The following CYGB variants were observed in gnomAD, a reference collection of about 807,000 sequenced individuals.
CYGB encodes cytoglobin.
In CYGB, 13 loss-of-function variants were observed where a neutral mutation model predicts 20.7. The observed-to-expected ratio is 0.63, with a 90% confidence interval of 0.41 to 1.00. The LOEUF is 1.00. Among genes scored for constraint, CYGB ranks in the 50% least tolerant of loss-of-function variants. The probability of loss-of-function intolerance (pLI) is 0.00; values close to 1 mark genes in which losing one functional copy is unlikely to be tolerated. For synonymous variants in CYGB, 93 were observed against 107.4 expected, an observed-to-expected ratio of 0.87 and a Z score of 0.83; for missense variants, 218 against 257.2, an observed-to-expected ratio of 0.85 and a Z score of 1.04.
chr17:76,533,553 G>A lies in CYGB; in HGVS notation c.144-1862C>T, dbSNP rs1483175548. On this transcript the variant is annotated intron_variant, in intron 1 of 3. Transcript: ENST00000293230. This position sits in a 1 kb window ranked among gnomAD's most constrained non-coding sequence, Gnocchi z 4.5. Reference sequence around the variant, plus strand: ...CAGCCTGGGCAATGTGGCAAACCCTGTCTCTACAAAATACAAAAAATTAGC... The same window carrying A: ...CAGCCTGGGCAATGTGGCAAACCCTATCTCTACAAAATACAAAAAATTAGC... 6.6e-6 allele frequency among the ~76,000 whole-genome samples: 1 copy of A among 150,804 alleles called. No homozygotes were observed. The highest frequency in any genetic ancestry group is 1.5e-5 in the Non-Finnish European group (1 of 67,712).
intron 1 of CYGB, among the ~76,000 whole-genome samples, chr17:76,547,882 T>C (rs1438534816): frequency 2.1e-5 from 3 of 145,650 alleles, no homozygotes; most frequent in Non-Finnish European, 3.0e-5. Flanking sequence ...TTCACACACA[T>C]ACACATACAC....
At position 76,531,182 on chromosome 17, in the gene CYGB, G is replaced by A. The variant is rs377581252; in HGVS notation, c.376-40C>T. 5.0e-6 allele frequency: 8 copies of A among 1,590,454 alleles called. No individual in the cohort carries two copies. The highest frequency in any genetic ancestry group is 1.3e-5 in the African/African-American group (1 of 74,378). On this transcript the variant is annotated intron_variant, in intron 2 of 3. Coordinates refer to ENST00000293230, the MANE Select transcript of CYGB (RefSeq NM_134268.5). This position sits in a 1 kb window ranked among gnomAD's most constrained non-coding sequence, Gnocchi z 7.4. ...AGGAAGGGGGAGTGAACGCCCGGGC[G>A]CCCTGCGTCCTGCAACCCCCAGGCC...
upstream of CYGB, among the ~76,000 whole-genome samples, chr17:76,539,581 G>C (rs187178003): frequency 2.0e-5 from 3 of 152,276 alleles, no homozygotes; most frequent in East Asian, 5.8e-4. Context: ...CTCTCCTGAT[G>C]CTTCCACGGT....
chr17:76,537,512 C>A lies in CYGB; in HGVS notation c.31G>T (p.Glu11Ter). The change falls in exon 1 of 4, where the codon GAG becomes TAG. Residue 11 changes from glutamate (E) to a stop codon, truncating the protein, a stop_gained. Coordinates refer to ENST00000293230, the MANE Select transcript of CYGB (RefSeq NM_134268.5). LOFTEE classifies it high-confidence loss of function. ...AGCTCCTCGCTCCGCTCCCTGCGCT[C>A]GATCTCCATCTCGCCTGGCACTTTC... MEKVPGEMEI[E>*]RRERSEELSE... 2 of 1,574,638 alleles carry A rather than the reference C, an allele frequency of 1.3e-6. No homozygotes were observed. Among genetic ancestry groups the A allele is most frequent in the Non-Finnish European group, 1.7e-6 (2 of 1,162,664 alleles).
rs2074795762 is a variant in CYGB at position 76,528,665 on chromosome 17, C to T, written c.540-54G>A. ...AACGTTACCAGAGGCAGGGAAGGAC[C>T]CTCGGGGGAAAGGGGGAGGACCTGG... On this transcript the variant is annotated intron_variant, in intron 3 of 3. Transcript: ENST00000293230. The surrounding 1 kb of genome is among the most constrained non-coding windows in gnomAD (Gnocchi z 5.8). The T allele has an allele frequency of 8.0e-7, 1 of 1,250,228 alleles. No individual in the cohort carries two copies. The highest frequency in any genetic ancestry group is 2.2e-4 in the Middle Eastern group (1 of 4,614). The allele number at this position is 1,250,228 out of a possible 1,614,324, so 77.4% of individuals were successfully genotyped here.
intron 1 of CYGB, 71 bp downstream of exon 1, chr17:76,537,329 C>T: frequency 1.4e-6 from 2 of 1,457,006 alleles, no homozygotes; most frequent in Admixed American, 5.0e-5. Context: ...GGACCCGGGC[C>T]CAGCCCTCCT....
upstream of CYGB, chr17:76,540,246 T>C (rs1392468728): frequency 6.9e-5 from 20 of 290,800 alleles, no homozygotes; most frequent in Non-Finnish European, 1.0e-4. The surrounding 1 kb of genome is among the most constrained non-coding windows in gnomAD (Gnocchi z 5.0). Flanking sequence ...TGGCTGGCGG[T>C]TGGTCGGGGG....
At chr17:76,534,097 CT>C (rs71158012) in intron 1 of CYGB, among the ~76,000 whole-genome samples, 101,798 of 133,484 alleles carry the variant, frequency 0.76, 36,195 homozygotes, top group South Asian at 0.9. Flanking sequence ...TACCTTTTTT[CT>C]TTTTCTTTCT....
chr17:76,535,697 G>A (rs1374801009), intron 1 of CYGB, among the ~76,000 whole-genome samples: 1 of 152,220 alleles, frequency 6.6e-6, no homozygotes, highest in Non-Finnish European at 1.5e-5. Flanking sequence ...GAGAGAGAAA[G>A]AAATCCTTGC....
intron 1 of CYGB, chr17:76,544,134 C>T (rs1205032795): frequency 4.4e-6 from 2 of 454,608 alleles, no homozygotes; most frequent in East Asian, 1.4e-4. Context: ...CTCCCAGATC[C>T]AGGAGCAGAC....
chr17:76,531,675 G>A lies in CYGB; in HGVS notation c.160C>T (p.Pro54Ser). 3 of 1,595,890 alleles carry A rather than the reference G, an allele frequency of 1.9e-6. No homozygotes were observed. Among genetic ancestry groups the A allele is most frequent in the South Asian group, 2.2e-5 (2 of 90,620 alleles). ...AILVRFFVNF[P>S]SAKQYFSQFK... ...TGGCTGAAGTACTGCTTGGCCGAGGGGAAGTTCACAAAGAACCTGGCAAGA... is the reference window on the plus strand; with the variant it reads ...TGGCTGAAGTACTGCTTGGCCGAGGAGAAGTTCACAAAGAACCTGGCAAGA... The change falls in exon 2 of 4, where the codon CCC (proline) becomes TCC (serine). Residue 54 changes from proline (P) to serine (S), a missense_variant. Around this residue, in one of 2 missense-constraint regions of CYGB, gnomAD observed 152 missense variants for 149.9 expected, o/e 1.01. Transcript: ENST00000293230. This position sits in a 1 kb window ranked among gnomAD's most constrained non-coding sequence, Gnocchi z 7.4.
upstream of CYGB, chr17:76,538,033 G>A (rs1373299118): frequency 6.6e-6 from 1 of 152,268 alleles, no homozygotes; most frequent in Non-Finnish European, 1.5e-5. Context: ...AGTGCGCTGG[G>A]GCGGGCGCGG....
rs1206791809 is a variant in CYGB, at chr17:76,533,424, C to T, written c.144-1733G>A. On this transcript the variant is annotated intron_variant, in intron 1 of 3. Coordinates refer to ENST00000293230, the MANE Select transcript of CYGB (RefSeq NM_134268.5). This position sits in a 1 kb window ranked among gnomAD's most constrained non-coding sequence, Gnocchi z 4.5. The stretch of plus-strand genomic sequence containing the variant: ...TCAGACTTTGGAGGTTTTACAATTG[C>T]AATAAAAAATAATGATATGGCCGGG... 1.3e-5 allele frequency among the ~76,000 whole-genome samples: 2 copies of T among 152,092 alleles called. No homozygotes were observed. The highest frequency in any genetic ancestry group is 2.9e-5 in the Non-Finnish European group (2 of 68,006).
At chr17:76,544,241 C>G (rs1275409168) in intron 1 of CYGB, 4 of 454,468 alleles carry the variant, frequency 8.8e-6, no homozygotes, top group African/African-American at 4.0e-5. Flanking sequence ...GCCAGCCCCC[C>G]TCCCAGCCCA....
At chr17:76,545,046 C>CTGCT (rs2075038579) in intron 1 of CYGB, 1 of 436,614 alleles carries the variant, frequency 2.3e-6, no homozygotes, top group Admixed American at 2.4e-5. Context: ...GCTGGGGTGC[C>CTGCT]ATGTGGGCCG....
chr17:76,537,200 C>A (rs905925131), intron 1 of CYGB, among the ~76,000 whole-genome samples, 200 bp downstream of exon 1: 8 of 152,316 alleles, frequency 5.3e-5, no homozygotes, highest in Admixed American at 4.6e-4. Context: ...TGGTGAACAC[C>A]GCGCCGGAGC....
At chr17:76,540,259 G>GC (rs1468144649), upstream of CYGB, 7 of 1,026,674 alleles carry the variant, frequency 6.8e-6, 1 homozygote, top group East Asian at 2.6e-5. The surrounding 1 kb of genome is among the most constrained non-coding windows in gnomAD (Gnocchi z 5.0). Flanking sequence ...GTCGGGGGGG[G>GC]GGGGCATGGG....
intron 3 of CYGB, chr17:76,529,062 AC>A: frequency 7.5e-6 from 2 of 265,214 alleles, no homozygotes; most frequent in Non-Finnish European, 8.8e-6. Flanking sequence ...CCCACCCCCC[AC>A]CCACGCAAAG....
Position 76,530,916 on chromosome 17 carries a change from C to A in CYGB, c.539+63G>T, listed in dbSNP as rs1447815548. On this transcript the variant is annotated intron_variant, in intron 3 of 3. Coordinates refer to ENST00000293230, the MANE Select transcript of CYGB (RefSeq NM_134268.5). This position sits in a 1 kb window ranked among gnomAD's most constrained non-coding sequence, Gnocchi z 6.1. ...CCAGGGCCTCAGGAGATATGGGAGA[C>A]CTCGGGGACAGCAGAGGACATGGCG... is the stretch of plus-strand genomic sequence containing the variant. 3.3e-6 allele frequency: 5 copies of A among 1,494,016 alleles called. No individual in the cohort carries two copies. The highest frequency in any genetic ancestry group is 2.2e-5 in the Admixed American group (1 of 45,196). 92.5% of individuals were successfully genotyped at this position (1,494,016 alleles called of 1,614,324 possible). A position where few individuals can be genotyped will look rare whatever the true frequency, so the allele number is the denominator to read the frequency against.
Sources: allele counts gnomAD v4.1 joint callset (sites outside exome capture counted in the v4.1 genomes callset), GRCh38; gene constraint gnomAD v4.1.1; regional missense constraint gnomAD v4.1.1; non-coding constraint Gnocchi (gnomAD v3.1); transcripts MANE v1.5; gene names NCBI Gene and HGNC (gene_info 2026-07-23, HGNC 2026-07-21).